The following DNAH3 variants were observed in gnomAD, a reference collection of about 807,000 sequenced individuals.
The protein encoded by DNAH3 is axonemal beta dynein heavy chain 3.
In DNAH3, 332 loss-of-function variants were observed where a neutral mutation model predicts 432.5. The ratio of observed to expected loss-of-function variants is 0.77; its 90% confidence interval spans 0.70 to 0.84. DNAH3 has a LOEUF of 0.84. Among genes scored for constraint, DNAH3 ranks in the 40% least tolerant of loss-of-function variants. DNAH3 has a pLI of 0.00. For missense variants in DNAH3, 4,861 were observed against 5,114.0 expected, an observed-to-expected ratio of 0.95 and a Z score of 1.51; for synonymous variants, 1,956 against 1,900.2, an observed-to-expected ratio of 1.03 and a Z score of -0.76.
At chr16:20,938,677 A>AT (rs1375479110) in intron 59 of DNAH3, among the ~76,000 whole-genome samples, 1 of 151,482 alleles carries the variant, frequency 6.6e-6, no homozygotes, top group Non-Finnish European at 1.5e-5. Context: ...GGCAAAAAAA[A>AT]AAAAAAAAAA....
intron 29 of DNAH3, among the ~76,000 whole-genome samples, chr16:21,051,324 T>C (rs754683054): frequency 4.6e-5 from 7 of 152,210 alleles, no homozygotes; most frequent in Non-Finnish European, 7.3e-5. Flanking sequence ...GGCTACGTTC[T>C]TGACCTCACT....
In DNAH3 at chr16:21,000,309, G is replaced by C. The variant is rs150510198; in HGVS notation, c.6336C>G (p.Thr2112=). 1.2e-3 allele frequency: 1,946 copies of C among 1,614,128 alleles called. 36 individuals are homozygous for C. The Admixed American group carries it at 0.029, about 24-fold the overall frequency. The change falls in exon 43 of 62, where the codon ACC becomes ACG. Residue 2112 remains threonine (T), a synonymous_variant. Transcript: ENST00000261383. The stretch of plus-strand genomic sequence containing the variant: ...CCAGCTTGGACATGATGATATCCTG[G>C]GTCTGATTGGCTGAGGTTCTGGCAG...
At chr16:21,097,416 A>C in exon 18 of DNAH3, 1 of 1,613,998 alleles carries the variant, frequency 6.2e-7, no homozygotes, top group Non-Finnish European at 8.5e-7. Context: ...GCTGCTCATA[A>C]GGTACTTTGT....
intron 1 of DNAH3, among the ~76,000 whole-genome samples, chr16:21,148,420 TTTATTA>T (rs202065909): frequency 3.1e-4 from 46 of 150,562 alleles, no homozygotes; most frequent in African/African-American, 1.1e-3. Context: ...CAGTGACTTA[TTTATTA>T]TTATTATTAT....
chr16:21,008,938 T>C (rs1178525038), intron 41 of DNAH3, among the ~76,000 whole-genome samples: 1 of 152,226 alleles, frequency 6.6e-6, no homozygotes. Flanking sequence ...TTGTTAGGTA[T>C]TTTAAAAGTG....
chr16:20,980,329 ATATTATATTT>A (rs1455631346), intron 49 of DNAH3, among the ~76,000 whole-genome samples: 2 of 140,668 alleles, frequency 1.4e-5, no homozygotes, highest in Non-Finnish European at 3.1e-5. Context: ...AATATATACT[ATATTATATTT>A]TATTATATTT....
At chr16:21,076,446 G>C (rs1466044365) in intron 20 of DNAH3, among the ~76,000 whole-genome samples, 1 of 152,194 alleles carries the variant, frequency 6.6e-6, no homozygotes. Context: ...TATGCTGTAA[G>C]AGCAGCCTGT....
At chr16:20,965,447 GATA>G in intron 52 of DNAH3, 22 bp from the exon 53 acceptor site, 15 of 1,498,178 alleles carry the variant, frequency 1.0e-5, no homozygotes, top group Non-Finnish European at 1.3e-5. Context: ...AAGAAACAGA[GATA>G]ATGTGTTAAG....
intron 18 of DNAH3, among the ~76,000 whole-genome samples, chr16:21,093,472 C>G (rs2091594266): frequency 6.6e-6 from 1 of 152,180 alleles, no homozygotes; most frequent in Non-Finnish European, 1.5e-5. Context: ...GATTGAAAGA[C>G]TCAATGTAAT....
intron 18 of DNAH3, among the ~76,000 whole-genome samples, chr16:21,095,776 T>TTGAACATCAC: frequency 6.6e-6 from 1 of 152,284 alleles, no homozygotes; most frequent in Non-Finnish European, 1.5e-5. Context: ...TAAATACTGT[T>TTGAACATCAC]TTTTTTGAGA....
At chr16:21,109,469 A>C (rs992113705) in intron 14 of DNAH3, among the ~76,000 whole-genome samples, 3 of 152,156 alleles carry the variant, frequency 2.0e-5, no homozygotes, top group African/African-American at 4.8e-5. Context: ...ATTATTATTA[A>C]TTTGCTGATG....
intron 54 of DNAH3, among the ~76,000 whole-genome samples, chr16:20,955,520 G>A (rs547946139): frequency 6.6e-6 from 1 of 150,974 alleles, no homozygotes; most frequent in Admixed American, 6.6e-5. Context: ...GGCTGGTCTC[G>A]AACTCCAGGG....
At position 20,964,879 on chromosome 16, in the gene DNAH3, G is replaced by A. The variant is rs771068680; in HGVS notation, c.9005C>T (p.Ser3002Phe). The change falls in exon 53 of 62, where the codon TCC (serine) becomes TTC (phenylalanine). Residue 3002 changes from serine (S) to phenylalanine (F), a missense_variant. Ser to Phe is a radical substitution (Grantham distance 155). Coordinates refer to ENST00000261383, the Ensembl canonical transcript of DNAH3. Reference sequence around the variant, plus strand: ...GCCCAGGTAAGCCACAGTTCCTGAGGACAGCAACACGTCACCAGTCAGATT... The same window carrying A: ...GCCCAGGTAAGCCACAGTTCCTGAGAACAGCAACACGTCACCAGTCAGATT... The A allele has an allele frequency of 3.1e-6, 5 of 1,613,988 alleles. No individual in the cohort carries two copies. The Admixed American group carries it at 8.3e-5, about 27-fold the overall frequency.
chr16:21,048,057 T>G (rs1036133690), intron 31 of DNAH3, among the ~76,000 whole-genome samples: 6 of 152,210 alleles, frequency 3.9e-5, no homozygotes, highest in African/African-American at 1.2e-4. Flanking sequence ...CTGCTTGCTG[T>G]GAGAACCACT....
In DNAH3 at chr16:21,087,005, C is replaced by T; in HGVS notation, c.2721G>A (p.Trp907Ter). 1.9e-6 allele frequency: 3 copies of T among 1,614,192 alleles called. No individual in the cohort carries two copies. Among genetic ancestry groups the T allele is most frequent in the Non-Finnish European group, 2.5e-6 (3 of 1,180,020 alleles). ...TCTTGATCAGTTTATACGTTGTCCT[C>T]CACATATTCCCTATCTCCTCCGCAA... The change falls in exon 19 of 62, where the codon TGG becomes TGA. Residue 907 changes from tryptophan to a stop codon, truncating the protein, a stop_gained. Coordinates refer to ENST00000261383, the Ensembl canonical transcript of DNAH3. LOFTEE classifies it high-confidence loss of function.
exon 6 of DNAH3, chr16:21,136,500 T>C (rs977500185): frequency 1.2e-5 from 20 of 1,614,144 alleles, no homozygotes; most frequent in Non-Finnish European, 1.7e-5. Flanking sequence ...ATTGGTCAGA[T>C]AGTAATAGTA....
intron 42 of DNAH3, among the ~76,000 whole-genome samples, chr16:21,000,995 A>T (rs1196986362): frequency 6.6e-6 from 1 of 152,184 alleles, no homozygotes; most frequent in East Asian, 1.9e-4. Context: ...TGTCCCAGGC[A>T]AGGTCTACCT....
chr16:21,042,377 TTGTGCATG>T (rs1174296276), intron 31 of DNAH3, among the ~76,000 whole-genome samples, 174 bp from the exon 32 acceptor site: 2 of 152,112 alleles, frequency 1.3e-5, no homozygotes, highest in African/African-American at 4.8e-5. Flanking sequence ...GAATATAGGT[TTGTGCATG>T]TGTGCATGTG....
intron 49 of DNAH3, among the ~76,000 whole-genome samples, chr16:20,982,271 C>A (rs1417741946): frequency 6.6e-6 from 1 of 151,944 alleles, no homozygotes; most frequent in African/African-American, 2.4e-5. Context: ...GTAATCCCAG[C>A]TGCTTGGGGG....
Sources: allele counts gnomAD v4.1 joint callset (sites outside exome capture counted in the v4.1 genomes callset), GRCh38; gene constraint gnomAD v4.1.1; transcripts MANE v1.5; gene names NCBI Gene and HGNC (gene_info 2026-07-23, HGNC 2026-07-21).